CABIN1: variants seen among roughly 807,000 people sequenced by gnomAD.
CABIN1 encodes calcineurin-binding protein cabin-1.
In CABIN1, 133 loss-of-function variants were observed where a neutral mutation model predicts 227.7. The ratio of observed to expected loss-of-function variants is 0.58; its 90% confidence interval spans 0.51 to 0.67. The LOEUF (loss-of-function observed/expected upper bound fraction) is 0.67, where lower values mean the gene tolerates loss of function less well. Ranked by LOEUF, CABIN1 falls within the 30% of genes least tolerant of loss-of-function variation. The pLI is 0.00. For synonymous variants in CABIN1, 1,086 were observed against 1,155.1 expected (o/e 0.94, Z 1.21); for missense variants, 2,408 against 2,852.5 (o/e 0.84, Z 3.55).
At chr22:24,049,259 A>T (rs2038135691) in intron 7 of CABIN1, 39 bp downstream of exon 7, 2 of 1,607,586 alleles carry the variant, frequency 1.2e-6, no homozygotes, top group African/African-American at 1.3e-5. Context: ...GTGCACGCTT[A>T]CTGTGTGGCT....
intron 26 of CABIN1, among the ~76,000 whole-genome samples, chr22:24,100,522 A>G (rs912292391): frequency 1.3e-4 from 20 of 152,218 alleles, no homozygotes; most frequent in Non-Finnish European, 1.5e-5. Flanking sequence ...GGAGGAGAAC[A>G]TGTAGTTCCT....
chr22:24,049,180 C>G lies in CABIN1; in HGVS notation c.616C>G (p.Pro206Ala). 6.2e-7 allele frequency: 1 copy of G among 1,614,094 alleles called. No homozygotes were observed. The highest frequency in any genetic ancestry group is 8.5e-7 in the Non-Finnish European group (1 of 1,180,006). Reference protein sequence around the residue: ...VLKEKIFEEQPCLRKDSLRMF... With the variant: ...VLKEKIFEEQACLRKDSLRMF... ...CAAGGAGAAGATTTTTGAGGAGCAG[C>G]CTTGTCTCCGGAAGGACTCTCTCAG... The change falls in exon 7 of 37, where the codon CCT becomes GCT. Residue 206 changes from proline to alanine, a missense_variant. By Grantham distance (27) the Pro-to-Ala change is conservative (BLOSUM62 -1). Around this residue, in one of 3 missense-constraint regions of CABIN1, gnomAD observed 1,045 missense variants for 1,168.4 expected, o/e 0.89. Coordinates refer to ENST00000263119, the MANE Select transcript of CABIN1 (RefSeq NM_012295.4).
chr22:24,173,534 C>T (rs1354377984), intron 34 of CABIN1: 2 of 152,166 alleles, frequency 1.3e-5, no homozygotes, highest in African/African-American at 2.4e-5. Context: ...GACAAAGAGC[C>T]GTAAAAGAAG....
chr22:24,112,993 G>T (rs1356105078), intron 26 of CABIN1, among the ~76,000 whole-genome samples: 1 of 152,128 alleles, frequency 6.6e-6, no homozygotes, highest in Non-Finnish European at 1.5e-5. Flanking sequence ...ACCTGTGAAG[G>T]TCCGAAGAAG....
Position 24,130,778 on chromosome 22 carries a change from G to A in CABIN1, c.4633-3524G>A, listed in dbSNP as rs566015244. 8.9e-4 allele frequency among the ~76,000 whole-genome samples: 136 copies of A among 152,336 alleles called. 1 individual carries two copies. In the South Asian group the frequency reaches 0.027, roughly 31 times the overall value. On this transcript the variant is annotated intron_variant, in intron 28 of 36. Transcript: ENST00000263119. ...CCCATAAGCTGTCTGGACACTTTGT[G>A]CCTTAGCATTGATCAGCTCTCTTTC...
At chr22:24,160,857 G>A (rs1331374119) in intron 29 of CABIN1, among the ~76,000 whole-genome samples, 3 of 152,216 alleles carry the variant, frequency 2.0e-5, no homozygotes, top group African/African-American at 7.2e-5. Flanking sequence ...AAATGGACAG[G>A]GCAAGAGCAC....
At chr22:24,155,905 G>A (rs919035192) in intron 29 of CABIN1, 7 of 487,650 alleles carry the variant, frequency 1.4e-5, no homozygotes, top group African/African-American at 8.3e-5. Context: ...AGGATTGGCC[G>A]GCAAAAGTCA....
At chr22:24,044,004 T>C (rs532944669) in intron 6 of CABIN1, among the ~76,000 whole-genome samples, 1 of 152,340 alleles carries the variant, frequency 6.6e-6, no homozygotes, top group Non-Finnish European at 1.5e-5. Context: ...TTTGAGGTCC[T>C]GAGGCTCAGG....
At chr22:24,041,658 TCTGAAA>T (rs1188719620) in intron 5 of CABIN1, among the ~76,000 whole-genome samples, 2 of 152,226 alleles carry the variant, frequency 1.3e-5, no homozygotes, top group African/African-American at 4.8e-5. Context: ...AAAAACAAAG[TCTGAAA>T]CTGAGCATTC....
Position 24,166,743 on chromosome 22 carries a change from C to T in CABIN1, c.5112C>T (p.Pro1704=). The stretch of plus-strand genomic sequence containing the variant: ...CTGAGGATGGCCAGGAGGGCCTCCC[C>T]CAGCCGAAGAAGCCCCCTCTGGCTG... ...ASPEDGQEGL[P]QPKKPPLADG... Residue 1704 remains proline, a synonymous_variant, in exon 32 of 37, where the codon CCC becomes CCT. Coordinates refer to ENST00000263119, the MANE Select transcript of CABIN1 (RefSeq NM_012295.4). The T allele has an allele frequency of 1.2e-6, 2 of 1,612,810 alleles. No homozygotes were observed. The highest frequency in any genetic ancestry group is 1.7e-6 in the Non-Finnish European group (2 of 1,179,958).
At chr22:24,137,011 C>T (rs2044464750) in intron 29 of CABIN1, among the ~76,000 whole-genome samples, 1 of 152,166 alleles carries the variant, frequency 6.6e-6, no homozygotes, top group African/African-American at 2.4e-5. Context: ...TTTCCCTGTC[C>T]TGGGTTCCTC....
intron 28 of CABIN1, among the ~76,000 whole-genome samples, chr22:24,120,964 T>G (rs1016847294): frequency 3.3e-5 from 5 of 151,884 alleles, no homozygotes; most frequent in African/African-American, 1.2e-4. Flanking sequence ...AGACCTGTAT[T>G]GTAGGGGACA....
chr22:24,175,775 C>G (rs1469781773), intron 34 of CABIN1: 1 of 445,784 alleles, frequency 2.2e-6, no homozygotes, highest in South Asian at 2.2e-5. Context: ...TGGACACTGC[C>G]CCCCCATCCC....
chr22:24,068,210 G>A (rs964066317), intron 16 of CABIN1, among the ~76,000 whole-genome samples: 2 of 152,216 alleles, frequency 1.3e-5, no homozygotes, highest in Admixed American at 6.5e-5. Flanking sequence ...GAGGGAGAAG[G>A]GGGTGGAGGG....
chr22:24,142,934 A>G (rs903358612), intron 29 of CABIN1, among the ~76,000 whole-genome samples: 8 of 151,936 alleles, frequency 5.3e-5, no homozygotes. Context: ...GTTGTGACCA[A>G]TTTTCATGCC....
At chr22:24,118,994 T>C (rs2043242781) in intron 27 of CABIN1, among the ~76,000 whole-genome samples, 1 of 152,234 alleles carries the variant, frequency 6.6e-6, no homozygotes, top group Non-Finnish European at 1.5e-5. Context: ...TTTTATGCGA[T>C]GCTGGTGGTG....
chr22:24,040,949 TCTC>T lies in CABIN1; in HGVS notation c.211-189_211-187del, dbSNP rs1487213742. On this transcript the variant is annotated intron_variant, in intron 4 of 36. Transcript: ENST00000263119. ...TTAATACCTCAGGGTGGTCTGTTCT[TCTC>T]TGTGCGCTTGGAGTAGGAGTGGTCT... Among the ~76,000 whole-genome samples, 5 of 152,324 alleles carry T rather than the reference TCTC, an allele frequency of 3.3e-5. No homozygotes were observed. In the East Asian group the frequency reaches 7.7e-4, roughly 23 times the overall value.
chr22:24,077,495 T>C (rs1313102356), intron 19 of CABIN1, among the ~76,000 whole-genome samples: 1 of 152,234 alleles, frequency 6.6e-6, no homozygotes, highest in Non-Finnish European at 1.5e-5. Context: ...AGGTCCCTGT[T>C]GCTGGTTAGT....
intron 29 of CABIN1, among the ~76,000 whole-genome samples, chr22:24,161,124 T>C (rs182427090): frequency 2.7e-4 from 41 of 152,308 alleles, no homozygotes; most frequent in Admixed American, 4.6e-4. Flanking sequence ...TCATAAATTA[T>C]TCAGATTGTT....
Sources: allele counts gnomAD v4.1 joint callset (sites outside exome capture counted in the v4.1 genomes callset), GRCh38; gene constraint gnomAD v4.1.1; regional missense constraint gnomAD v4.1.1; transcripts MANE v1.5; gene names NCBI Gene and HGNC (gene_info 2026-07-23, HGNC 2026-07-21).